Variants in FIGN observed in about 807,000 individuals in gnomAD.
The protein encoded by FIGN is fidgetin, microtubule severing factor.
FIGN carries 11 observed loss-of-function variants against 51.3 expected under a neutral mutation model. The observed-to-expected ratio is 0.21, with a 90% CI of 0.13 to 0.35. The LOEUF (loss-of-function observed/expected upper bound fraction) is 0.35, where lower values mean the gene tolerates loss of function less well. Ranked by LOEUF, FIGN falls within the 10% of genes least tolerant of loss-of-function variation. The pLI is 1.00. For missense variants in FIGN, 857 were observed against 943.6 expected, an observed-to-expected ratio of 0.91 and a Z score of 1.20; for synonymous variants, 407 against 363.2, an observed-to-expected ratio of 1.12 and a Z score of -1.37.
chr2:163,730,450 T>C (rs1263393971), intron 2 of FIGN, among the ~76,000 whole-genome samples: 1 of 152,136 alleles, frequency 6.6e-6, no homozygotes. Flanking sequence ...AAAAAAATTC[T>C]TTCATTTTCA....
At chr2:163,647,656 AT>A (rs1683402836) in intron 2 of FIGN, among the ~76,000 whole-genome samples, 1 of 152,176 alleles carries the variant, frequency 6.6e-6, no homozygotes, top group Non-Finnish European at 1.5e-5. Flanking sequence ...TAACCTGATT[AT>A]TTTTCAGTAA....
rs1279137665 is a variant in FIGN at position 163,607,152 on chromosome 2, A to G, written c.*2400T>C. 1 of 152,206 alleles carries G rather than the reference A, an allele frequency of 6.6e-6. No homozygotes were observed. Among genetic ancestry groups the G allele is most frequent in the Non-Finnish European group, 1.5e-5 (1 of 68,044 alleles). The allele number at this position is 152,206 out of a possible 1,614,324, so 9.4% of individuals were successfully genotyped here. On this transcript the variant is annotated 3_prime_UTR_variant, in exon 3 of 3. Coordinates refer to ENST00000333129, the MANE Select transcript of FIGN (RefSeq NM_018086.4). ...TTGGCGGAAATGAAATATAATGTCT[A>G]AAAGTCAGAAAATAGGTCAGCACTG...
At chr2:163,718,049 A>G (rs1684696623) in intron 2 of FIGN, among the ~76,000 whole-genome samples, 1 of 151,406 alleles carries the variant, frequency 6.6e-6, no homozygotes, top group East Asian at 2.0e-4. Context: ...ATCATGTTGG[A>G]AAGTACAGGG....
chr2:163,728,433 CA>C (rs1162939013), intron 2 of FIGN, among the ~76,000 whole-genome samples: 1 of 148,396 alleles, frequency 6.7e-6, no homozygotes, highest in Non-Finnish European at 1.5e-5. Flanking sequence ...CACACACACA[CA>C]CACAAAGTTC....
chr2:163,729,517 T>TATGAAA (rs1206093085), intron 2 of FIGN, among the ~76,000 whole-genome samples: 3 of 152,128 alleles, frequency 2.0e-5, no homozygotes, highest in African/African-American at 7.2e-5. Flanking sequence ...CTCCTCTTCC[T>TATGAAA]ATGAAAATGA....
chr2:163,711,820 G>A (rs369615812), intron 2 of FIGN, among the ~76,000 whole-genome samples: 2 of 152,154 alleles, frequency 1.3e-5, no homozygotes, highest in Non-Finnish European at 2.9e-5. Flanking sequence ...TTAAGAATGA[G>A]GTTAGAGGAA....
At chr2:163,696,030 G>A (rs1684313776) in intron 2 of FIGN, among the ~76,000 whole-genome samples, 1 of 152,106 alleles carries the variant, frequency 6.6e-6, no homozygotes, top group Admixed American at 6.6e-5. Context: ...AGAATCTCTT[G>A]AACCTGGGAA....
At chr2:163,653,503 T>C (rs1242279564) in intron 2 of FIGN, among the ~76,000 whole-genome samples, 1 of 152,106 alleles carries the variant, frequency 6.6e-6, no homozygotes, top group Non-Finnish European at 1.5e-5. Flanking sequence ...TACATTGTTG[T>C]TTCTGTTAAG....
intron 2 of FIGN, among the ~76,000 whole-genome samples, chr2:163,711,448 C>T (rs904862701): frequency 6.6e-6 from 1 of 151,998 alleles, no homozygotes; most frequent in African/African-American, 2.4e-5. Context: ...AGAACAGGGA[C>T]GCGAGAAGTA....
At chr2:163,635,160 C>A (rs1683206586) in intron 2 of FIGN, among the ~76,000 whole-genome samples, 1 of 152,080 alleles carries the variant, frequency 6.6e-6, no homozygotes, top group African/African-American at 2.4e-5. Flanking sequence ...GTAGCCCTCA[C>A]AAAATAATAA....
rs925409571 is a variant in FIGN at position 163,610,411 on chromosome 2, T to G, written c.1421A>C (p.Asn474Thr). The change falls in exon 3 of 3, where the codon AAT becomes ACT. Residue 474 changes from asparagine (N) to threonine (T), a missense_variant. Around this residue, in one of 3 missense-constraint regions of FIGN, gnomAD observed 799 missense variants for 849.5 expected, o/e 0.94. Coordinates refer to ENST00000333129, the MANE Select transcript of FIGN (RefSeq NM_018086.4). ...TDTHLIDLVT[N>T]EIITQGPPVD... is the part of the protein sequence containing the mutation. ...TGGAGGTCCTTGGGTGATAATCTCA[T>G]TGGTTACCAGGTCGATGAGGTGCGT... 6.2e-7 allele frequency: 1 copy of G among 1,613,988 alleles called. No individual in the cohort carries two copies. Among genetic ancestry groups the G allele is most frequent in the African/African-American group, 1.3e-5 (1 of 74,894 alleles).
chr2:163,715,293 T>TA (rs1684651257), intron 2 of FIGN, among the ~76,000 whole-genome samples: 1 of 152,152 alleles, frequency 6.6e-6, no homozygotes, highest in African/African-American at 2.4e-5. Flanking sequence ...AGTCATTAGC[T>TA]AGAGTCCCAG....
In FIGN at chr2:163,735,033, G is replaced by T; in HGVS notation, c.-106C>A. On this transcript the variant is annotated 5_prime_UTR_variant, in exon 2 of 3. Coordinates refer to ENST00000333129, the MANE Select transcript of FIGN (RefSeq NM_018086.4). ...TTCCTCTCAGCTATCAAATGTCACTGCCTTGAAACGTGGGCCCTTTCGTCA... is the reference window on the plus strand; with the variant it reads ...TTCCTCTCAGCTATCAAATGTCACTTCCTTGAAACGTGGGCCCTTTCGTCA... 8.7e-7 allele frequency: 1 copy of T among 1,154,886 alleles called. No individual in the cohort carries two copies. Among genetic ancestry groups the T allele is most frequent in the Non-Finnish European group, 1.3e-6 (1 of 790,998 alleles). 71.5% of individuals were successfully genotyped at this position (1,154,886 alleles called of 1,614,324 possible). A position where few individuals can be genotyped will look rare whatever the true frequency, so the allele number is the denominator to read the frequency against.
chr2:163,677,077 G>A (rs957043422), intron 2 of FIGN, among the ~76,000 whole-genome samples: 1 of 152,198 alleles, frequency 6.6e-6, no homozygotes, highest in Non-Finnish European at 1.5e-5. Context: ...ACTCTTGCAC[G>A]TGTACTTTAA....
At chr2:163,695,052 T>G (rs1431339870) in intron 2 of FIGN, among the ~76,000 whole-genome samples, 1 of 144,696 alleles carries the variant, frequency 6.9e-6, no homozygotes, top group Non-Finnish European at 1.5e-5. Flanking sequence ...ACATATCCCT[T>G]GCTGTTTTGA....
At chr2:163,702,287 A>G (rs1041987643) in intron 2 of FIGN, among the ~76,000 whole-genome samples, 3 of 152,188 alleles carry the variant, frequency 2.0e-5, no homozygotes, top group South Asian at 2.1e-4. Context: ...CAGGCTCCAC[A>G]AAACCAGGAT....
chr2:163,709,802 T>C (rs974453999), intron 2 of FIGN, among the ~76,000 whole-genome samples: 5 of 152,126 alleles, frequency 3.3e-5, no homozygotes, highest in Admixed American at 1.3e-4. Flanking sequence ...TAGAATGGTG[T>C]TTTAAAATGG....
At chr2:163,706,246 CTAT>C (rs1239063173) in intron 2 of FIGN, among the ~76,000 whole-genome samples, 4 of 151,996 alleles carry the variant, frequency 2.6e-5, no homozygotes, top group African/African-American at 9.7e-5. Flanking sequence ...TTATTTCCAA[CTAT>C]TATTATTTCT....
chr2:163,730,582 AC>A (rs1684912603), intron 2 of FIGN, among the ~76,000 whole-genome samples: 1 of 151,706 alleles, frequency 6.6e-6, no homozygotes, highest in Non-Finnish European at 1.5e-5. Context: ...TCTAAGTGGT[AC>A]CCCCAAATAA....
Sources: allele counts gnomAD v4.1 joint callset (sites outside exome capture counted in the v4.1 genomes callset), GRCh38; gene constraint gnomAD v4.1.1; regional missense constraint gnomAD v4.1.1; transcripts MANE v1.5; gene names NCBI Gene and HGNC (gene_info 2026-07-23, HGNC 2026-07-21).